Variants in ATP6V0A4 observed in about 807,000 individuals in gnomAD.
The protein encoded by ATP6V0A4 is ATPase H+ transporting V0 subunit a4.
ATP6V0A4 carries 86 observed loss-of-function variants against 107.3 expected under a neutral mutation model. The ratio of observed to expected loss-of-function variants is 0.80; its 90% CI spans 0.67 to 0.96. The LOEUF (loss-of-function observed/expected upper bound fraction) is 0.96. ATP6V0A4 is among the 40% of genes least tolerant of loss of function. The probability of loss-of-function intolerance (pLI) is 0.00; values close to 1 mark genes in which losing one functional copy is unlikely to be tolerated. For synonymous variants in ATP6V0A4, 353 were observed against 381.4 expected (o/e 0.93, Z 0.87); for missense variants, 908 against 1,045.6 (o/e 0.87, Z 1.81).
chr7:138,745,934 A>C, intron 13 of ATP6V0A4, among the ~76,000 whole-genome samples: 1 of 43,470 alleles, frequency 2.3e-5, no homozygotes. Flanking sequence ...ACAGAGCAAG[A>C]CTCTGTCTCA....
At chr7:138,721,383 A>G (rs936833918) in intron 19 of ATP6V0A4, among the ~76,000 whole-genome samples, 1 of 152,170 alleles carries the variant, frequency 6.6e-6, no homozygotes, top group Non-Finnish European at 1.5e-5. Flanking sequence ...TACTAAAAAC[A>G]CAAAAATTAA....
At chr7:138,737,588 T>C (rs1179467469) in intron 15 of ATP6V0A4, among the ~76,000 whole-genome samples, 4 of 148,352 alleles carry the variant, frequency 2.7e-5, no homozygotes, top group African/African-American at 7.4e-5. Flanking sequence ...TCTTTTTTTT[T>C]TTTTTTTTTT....
chr7:138,792,900 T>C (rs1203282753), intron 1 of ATP6V0A4, among the ~76,000 whole-genome samples: 1 of 151,628 alleles, frequency 6.6e-6, no homozygotes, highest in Admixed American at 6.6e-5. Context: ...GAAAGTAATA[T>C]GATGGGAAAA....
chr7:138,714,154 T>C (rs1177669853), intron 20 of ATP6V0A4, among the ~76,000 whole-genome samples: 1 of 141,240 alleles, frequency 7.1e-6, no homozygotes, highest in African/African-American at 2.7e-5. Context: ...GCTGAGGCGG[T>C]AGAATGACAT....
At chr7:138,791,405 G>A (rs1808405902) in intron 1 of ATP6V0A4, among the ~76,000 whole-genome samples, 1 of 152,004 alleles carries the variant, frequency 6.6e-6, no homozygotes, top group African/African-American at 2.4e-5. Flanking sequence ...AGGAGAGAAT[G>A]GTTCACAAGT....
Position 138,759,830 on chromosome 7 carries a change from C to T in ATP6V0A4, c.561G>A (p.Arg187=). 3 of 1,614,128 alleles carry T rather than the reference C, an allele frequency of 1.9e-6. No homozygotes were observed. Among genetic ancestry groups the T allele is most frequent in the East Asian group, 2.2e-5 (1 of 44,868 alleles). The change falls in exon 8 of 22, where the codon CGG becomes CGA. Residue 187 remains arginine, a synonymous_variant. Coordinates refer to ENST00000310018, the MANE Select transcript of ATP6V0A4 (RefSeq NM_020632.3). Reference sequence around the variant, plus strand: ...TTCCTCGGCAGATTCGCCACAGTAACCGCTCAAAGGAAGCCATCCTCTCCC... The same window carrying T: ...TTCCTCGGCAGATTCGCCACAGTAATCGCTCAAAGGAAGCCATCCTCTCCC... ...INRERMASFE[R]LLWRICRGNV... is the part of the protein sequence containing the mutation.
intron 6 of ATP6V0A4, chr7:138,762,642 C>G: frequency 1.8e-6 from 1 of 557,266 alleles, no homozygotes; most frequent in South Asian, 7.9e-5. Context: ...AAACCAACTG[C>G]TGTGCTTGGT....
chr7:138,734,324 C>T (rs369979838), intron 15 of ATP6V0A4, 70 bp from the exon 16 acceptor site: 5 of 1,605,352 alleles, frequency 3.1e-6, no homozygotes, highest in African/African-American at 1.3e-5. Context: ...TTGAGGGCTA[C>T]AGCACAACTT....
At chr7:138,776,620 T>C (rs973289319) in intron 2 of ATP6V0A4, among the ~76,000 whole-genome samples, 2 of 152,146 alleles carry the variant, frequency 1.3e-5, no homozygotes, top group African/African-American at 4.8e-5. Flanking sequence ...GTTTGCTTTG[T>C]CTCCCAGTCA....
chr7:138,792,028 G>T (rs377483276), intron 1 of ATP6V0A4, among the ~76,000 whole-genome samples: 3 of 152,188 alleles, frequency 2.0e-5, no homozygotes, highest in African/African-American at 7.2e-5. Context: ...GAGTGGATAG[G>T]CCAGGTGTGG....
chr7:138,712,624 T>G (rs1052596894), intron 20 of ATP6V0A4, among the ~76,000 whole-genome samples: 4 of 152,102 alleles, frequency 2.6e-5, no homozygotes, highest in African/African-American at 9.7e-5. Flanking sequence ...CCACATTACC[T>G]CTTTAAGCAA....
chr7:138,747,593 G>A, intron 12 of ATP6V0A4, 29 bp from the exon 13 acceptor site: 1 of 1,612,702 alleles, frequency 6.2e-7, no homozygotes, highest in Non-Finnish European at 8.5e-7. Flanking sequence ...CAACGCCTGA[G>A]GCCTCAGCAC....
intron 18 of ATP6V0A4, among the ~76,000 whole-genome samples, chr7:138,725,149 G>A (rs1325961272): frequency 6.6e-6 from 1 of 152,148 alleles, no homozygotes; most frequent in South Asian, 2.1e-4. Flanking sequence ...GTGCAGGCCT[G>A]CAGTCCCAGC....
chr7:138,744,973 G>A (rs1805837730), intron 14 of ATP6V0A4, 150 bp downstream of exon 14: 1 of 778,162 alleles, frequency 1.3e-6, no homozygotes. Flanking sequence ...AGAGCACTGG[G>A]ATTACAGGCA....
chr7:138,743,564 C>G (rs1435430534), intron 14 of ATP6V0A4, among the ~76,000 whole-genome samples: 1 of 152,194 alleles, frequency 6.6e-6, no homozygotes, highest in African/African-American at 2.4e-5. Context: ...TTCTGTCCCC[C>G]ATTTATGACG....
At chr7:138,736,849 G>A (rs1584912007) in intron 15 of ATP6V0A4, among the ~76,000 whole-genome samples, 2 of 152,056 alleles carry the variant, frequency 1.3e-5, no homozygotes, top group East Asian at 3.9e-4. Context: ...GGGATTACAG[G>A]TGTGAGCCAT....
chr7:138,797,416 C>A (rs1214154501), intron 1 of ATP6V0A4, among the ~76,000 whole-genome samples: 1 of 151,842 alleles, frequency 6.6e-6, no homozygotes, highest in Non-Finnish European at 1.5e-5. Flanking sequence ...TGGGGTTTCA[C>A]CATTTTGGCC....
chr7:138,735,338 G>A (rs1805260543), intron 15 of ATP6V0A4, among the ~76,000 whole-genome samples: 1 of 152,072 alleles, frequency 6.6e-6, no homozygotes, highest in African/African-American at 2.4e-5. Context: ...TTGTTTTCAG[G>A]TTTGCTCTGG....
At chr7:138,775,940 G>A (rs1250393945) in intron 2 of ATP6V0A4, among the ~76,000 whole-genome samples, 2 of 152,040 alleles carry the variant, frequency 1.3e-5, no homozygotes, top group South Asian at 2.1e-4. Flanking sequence ...GTGAGCCACC[G>A]TGCTCAGCCA....
Sources: allele counts gnomAD v4.1 joint callset (sites outside exome capture counted in the v4.1 genomes callset), GRCh38; gene constraint gnomAD v4.1.1; transcripts MANE v1.5; gene names NCBI Gene and HGNC (gene_info 2026-07-23, HGNC 2026-07-21).